GRAMD1C: variants seen among roughly 807,000 people sequenced by gnomAD.
The protein encoded by GRAMD1C is GRAM domain containing 1C, also known as protein Aster-C.
In GRAMD1C, 89 loss-of-function variants were observed where a neutral mutation model predicts 97.8. The observed-to-expected ratio is 0.91, with a 90% CI of 0.77 to 1.09. The LOEUF (loss-of-function observed/expected upper bound fraction) is 1.09, where lower values mean the gene tolerates loss of function less well. Ranked by LOEUF, GRAMD1C falls within the 50% of genes least tolerant of loss-of-function variation. The pLI is 0.00. For missense variants in GRAMD1C, 740 were observed against 766.4 expected (o/e 0.97, Z 0.41); for synonymous variants, 256 against 267.0 (o/e 0.96, Z 0.40).
intron 5 of GRAMD1C, among the ~76,000 whole-genome samples, chr3:113,880,084 C>T (rs1268913386): frequency 6.6e-6 from 1 of 152,130 alleles, no homozygotes; most frequent in Non-Finnish European, 1.5e-5. Context: ...TGGATGCCTA[C>T]TTTTCTCTTT....
chr3:113,920,113 T>TGAAAAACTGAGGAAACAGAG, intron 10 of GRAMD1C: 1 of 1,381,802 alleles, frequency 7.2e-7, no homozygotes, highest in African/African-American at 1.4e-5. Context: ...GAAAAGCTCC[T>TGAAAAACTGAGGAAACAGAG]GAAAAACTGA....
intron 10 of GRAMD1C, among the ~76,000 whole-genome samples, chr3:113,923,324 C>T (rs1047035088): frequency 6.6e-6 from 1 of 152,022 alleles, no homozygotes; most frequent in African/African-American, 2.4e-5. Flanking sequence ...GTGGTGAGAG[C>T]GGGCATCCTT....
At position 113,892,106 on chromosome 3, in the gene GRAMD1C, C is replaced by G. The variant is rs1577172997; in HGVS notation, c.541-8925C>G. Reference sequence around the variant, plus strand: ...TTTCCAGTAAAATAAATCCACAAGACTGAAAGACTTGGAGCCAAATATGTT... The same window carrying G: ...TTTCCAGTAAAATAAATCCACAAGAGTGAAAGACTTGGAGCCAAATATGTT... On this transcript the variant is annotated intron_variant, in intron 6 of 17. Transcript: ENST00000358160. Among the ~76,000 whole-genome samples the G allele has an allele frequency of 2.0e-5, 3 of 152,050 alleles. No individual in the cohort carries two copies. The South Asian group carries it at 6.2e-4, about 32-fold the overall frequency.
At position 113,945,868 on chromosome 3, in the gene GRAMD1C, A is replaced by G. The variant is rs1012928777; in HGVS notation, c.*390A>G. 5.8e-6 allele frequency: 1 copy of G among 171,748 alleles called. No individual in the cohort carries two copies. Among genetic ancestry groups the G allele is most frequent in the African/African-American group, 2.4e-5 (1 of 41,804 alleles). The allele number at this position is 171,748 out of a possible 1,614,324, so 10.6% of individuals were successfully genotyped here. On this transcript the variant is annotated 3_prime_UTR_variant, in exon 18 of 18. Coordinates refer to ENST00000358160, the MANE Select transcript of GRAMD1C (RefSeq NM_017577.5). ...AATAGGTCGCTTTTGTAACTGAGATAAGACCAAGAGGATAAACAGGACAAT... is the reference window on the plus strand; with the variant it reads ...AATAGGTCGCTTTTGTAACTGAGATGAGACCAAGAGGATAAACAGGACAAT...
At chr3:113,940,393 G>T in intron 17 of GRAMD1C, 48 bp downstream of exon 17, 1 of 1,020,112 alleles carries the variant, frequency 9.8e-7, no homozygotes, top group South Asian at 1.3e-5. Context: ...GTCCCAGTAT[G>T]AATTAGTTGC....
At chr3:113,830,059 T>C (rs1174175259) in intron 1 of GRAMD1C, among the ~76,000 whole-genome samples, 1 of 152,054 alleles carries the variant, frequency 6.6e-6, no homozygotes, top group Non-Finnish European at 1.5e-5. Context: ...TAGATGATCT[T>C]GGGGAGGTGG....
intron 9 of GRAMD1C, among the ~76,000 whole-genome samples, chr3:113,911,380 G>A (rs1936570274): frequency 1.3e-5 from 2 of 151,878 alleles, no homozygotes; most frequent in African/African-American, 4.8e-5. Context: ...GAGTAGCTGG[G>A]ATTACAAACA....
At chr3:113,857,208 C>G (rs759146896) in intron 2 of GRAMD1C, among the ~76,000 whole-genome samples, 13 of 152,058 alleles carry the variant, frequency 8.5e-5, no homozygotes, top group Non-Finnish European at 1.6e-4. Flanking sequence ...CTCAGTTGCA[C>G]TGGCTGAAAC....
At chr3:113,883,743 C>G (rs1024570573) in intron 6 of GRAMD1C, among the ~76,000 whole-genome samples, 2 of 152,080 alleles carry the variant, frequency 1.3e-5, no homozygotes, top group East Asian at 1.9e-4. Flanking sequence ...AATAAAGGCT[C>G]AATTCATCTG....
intron 3 of GRAMD1C, among the ~76,000 whole-genome samples, chr3:113,873,534 T>C (rs1036366750): frequency 6.6e-6 from 1 of 152,090 alleles, no homozygotes; most frequent in Non-Finnish European, 1.5e-5. Flanking sequence ...ATTTTTTTTT[T>C]TGGAGACAGA....
upstream of GRAMD1C, among the ~76,000 whole-genome samples, chr3:113,836,456 T>A (rs1049057433): frequency 2.0e-5 from 3 of 151,932 alleles, no homozygotes; most frequent in African/African-American, 7.2e-5. Flanking sequence ...GCTATTTTGT[T>A]TTCTCTGTGT....
intron 2 of GRAMD1C, among the ~76,000 whole-genome samples, chr3:113,860,171 G>A (rs761036566): frequency 3.3e-5 from 5 of 152,038 alleles, no homozygotes; most frequent in Non-Finnish European, 5.9e-5. Flanking sequence ...ACAGGCGCGT[G>A]CCACCACGCC....
chr3:113,844,631 TGG>T lies in GRAMD1C; in HGVS notation c.157_158del (p.Gly53Ter). The T allele has an allele frequency of 6.3e-7, 1 of 1,593,374 alleles. No individual in the cohort carries two copies. Among genetic ancestry groups the T allele is most frequent in the Non-Finnish European group, 8.5e-7 (1 of 1,171,922 alleles). On this transcript the variant is annotated frameshift_variant, in exon 2 of 18. Coordinates refer to ENST00000358160, the MANE Select transcript of GRAMD1C (RefSeq NM_017577.5). LOFTEE classifies it high-confidence loss of function. The part of the protein sequence containing the change: ...KQGPNLHNWS[G>X]DWSFWISSST... ...AGGGGCCAAATTTACATAATTGGAG[TGG>T]TGACTGGAGCTTTTGGGTAATTTCT...
chr3:113,871,016 CACACACAGA>C (rs1934787619), intron 3 of GRAMD1C, among the ~76,000 whole-genome samples: 1 of 75,482 alleles, frequency 1.3e-5, no homozygotes, highest in Non-Finnish European at 3.1e-5. Context: ...CACACACACA[CACACACAGA>C]GGAATATTAA....
chr3:113,946,339 T>G lies in GRAMD1C; in HGVS notation c.*861T>G, dbSNP rs1223985492. On this transcript the variant is annotated 3_prime_UTR_variant, in exon 18 of 18. Transcript: ENST00000358160. ...AATTTGTGTATTTTCAGTAACCATG[T>G]ATGGCTTCCTTCTTTATGTATGTGT... 6.6e-6 allele frequency: 1 copy of G among 152,642 alleles called. No homozygotes were observed. Among genetic ancestry groups the G allele is most frequent in the Non-Finnish European group, 1.5e-5 (1 of 68,032 alleles). The allele number at this position is 152,642 out of a possible 1,614,324, so 9.5% of individuals were successfully genotyped here.
intron 10 of GRAMD1C, among the ~76,000 whole-genome samples, chr3:113,922,257 G>A (rs1937087141): frequency 6.6e-6 from 1 of 151,864 alleles, no homozygotes; most frequent in African/African-American, 2.4e-5. Flanking sequence ...TTTTTTTGTA[G>A]AGATGAGGTT....
At chr3:113,906,443 A>G (rs1204122583) in intron 8 of GRAMD1C, among the ~76,000 whole-genome samples, 1 of 152,202 alleles carries the variant, frequency 6.6e-6, no homozygotes, top group Non-Finnish European at 1.5e-5. Context: ...TTTAACAAAA[A>G]GGTTTAAAAA....
chr3:113,850,167 C>G, intron 2 of GRAMD1C: 1 of 424,676 alleles, frequency 2.4e-6, no homozygotes, highest in Non-Finnish European at 4.5e-6. Context: ...AAATATTTGT[C>G]AATTGTATAT....
intron 10 of GRAMD1C, among the ~76,000 whole-genome samples, chr3:113,929,169 G>A (rs9917839): frequency 2.0e-5 from 3 of 152,126 alleles, no homozygotes; most frequent in African/African-American, 2.4e-5. Context: ...GGGCACGAAC[G>A]TTCACCAATT....
Sources: gnomAD v4.1 joint callset for allele counts (sites outside exome capture counted in the v4.1 genomes callset) on GRCh38, gnomAD v4.1.1 for gene constraint, MANE v1.5 for transcripts, NCBI Gene and HGNC (gene_info 2026-07-23, HGNC 2026-07-21) for gene names.